DNAI4: variants seen among roughly 807,000 people sequenced by gnomAD.
DNAI4 encodes WD repeat domain 78.
A neutral mutation model predicts 105.8 loss-of-function variants in DNAI4; 85 were observed. The ratio of observed to expected loss-of-function variants is 0.80; its 90% CI spans 0.67 to 0.96. The LOEUF is 0.96. Among genes scored for constraint, DNAI4 ranks in the 40% least tolerant of loss-of-function variants. DNAI4 has a pLI of 0.00. For synonymous variants in DNAI4, 352 were observed against 331.5 expected, an observed-to-expected ratio of 1.06 and a Z score of -0.67; for missense variants, 1,014 against 1,005.6, an observed-to-expected ratio of 1.01 and a Z score of -0.11.
At chr1:66,898,151 C>A (rs184375938) in intron 2 of DNAI4, among the ~76,000 whole-genome samples, 1 of 152,262 alleles carries the variant, frequency 6.6e-6, no homozygotes. Flanking sequence ...GTTTTGAGAC[C>A]TATTATTTCT....
At chr1:66,851,066 T>TA (rs1390515402) in intron 7 of DNAI4, among the ~76,000 whole-genome samples, 1 of 151,874 alleles carries the variant, frequency 6.6e-6, no homozygotes, top group Non-Finnish European at 1.5e-5. Context: ...AAAATTGGAT[T>TA]AAAAAACATG....
chr1:66,840,376 G>A lies in DNAI4; in HGVS notation c.1494+93C>T, dbSNP rs1173993012. 24 of 1,191,206 alleles carry A rather than the reference G, an allele frequency of 2.0e-5. No homozygotes were observed. In the East Asian group the frequency reaches 5.7e-4, roughly 28 times the overall value. The allele number at this position is 1,191,206 out of a possible 1,614,324, so 73.8% of individuals were successfully genotyped here. On this transcript the variant is annotated intron_variant, in intron 9 of 16. Transcript: ENST00000371026. ...GTTATGGTCAATTTAAATTCCTTGT[G>A]CCATATCTAAGGAAAACAATTCTTC...
intron 7 of DNAI4, among the ~76,000 whole-genome samples, chr1:66,858,036 A>C (rs1646539599): frequency 6.6e-6 from 1 of 152,198 alleles, no homozygotes; most frequent in Non-Finnish European, 1.5e-5. Context: ...CTTCCAAAAT[A>C]GAAAGCATCA....
rs1476681554 is a variant in DNAI4 at position 66,827,875 on chromosome 1, A to T, written c.2049T>A (p.Gly683=). ...ATGAACAAGAACATTTGTGAATATGACCTTCTTCAGTGCCAGCCAAATAGA... is the reference window on the plus strand; with the variant it reads ...ATGAACAAGAACATTTGTGAATATGTCCTTCTTCAGTGCCAGCCAAATAGA... The part of the protein sequence containing the change: ...TNIYLAGTEE[G]HIHKCSCSYN... Residue 683 remains glycine (G), a synonymous_variant, in exon 14 of 17, where the codon GGT becomes GGA. Transcript: ENST00000371026. 14 of 1,607,908 alleles carry T rather than the reference A, an allele frequency of 8.7e-6. No homozygotes were observed. The highest frequency in any genetic ancestry group is 1.1e-5 in the Non-Finnish European group (13 of 1,177,228).
At chr1:66,894,086 C>G (rs1230054777) in intron 2 of DNAI4, among the ~76,000 whole-genome samples, 2 of 152,118 alleles carry the variant, frequency 1.3e-5, no homozygotes, top group East Asian at 3.8e-4. Context: ...GCTTACGAAA[C>G]TACACTTTTT....
Position 66,834,174 on chromosome 1 carries a change from C to T in DNAI4, c.1734-26G>A, listed in dbSNP as rs753537061. ...CTAAAACAGTAAAAAAAATACTAAA[C>T]ATATAATCATTATAATAATTTCTTA... On this transcript the variant is annotated intron_variant, in intron 11 of 16. Transcript: ENST00000371026. 7 of 1,540,260 alleles carry T rather than the reference C, an allele frequency of 4.5e-6. No individual in the cohort carries two copies. The African/African-American group carries it at 5.7e-5, about 13-fold the overall frequency.
chr1:66,829,641 T>C (rs1645827236), intron 13 of DNAI4, among the ~76,000 whole-genome samples: 2 of 152,192 alleles, frequency 1.3e-5, no homozygotes, highest in South Asian at 4.1e-4. Flanking sequence ...TATTACCTCT[T>C]TCTCAATAAT....
intron 4 of DNAI4, among the ~76,000 whole-genome samples, chr1:66,887,723 C>T (rs1333147143): frequency 6.6e-6 from 1 of 152,030 alleles, no homozygotes; most frequent in Non-Finnish European, 1.5e-5. Flanking sequence ...CCTGCAATCC[C>T]AGCATTTTGG....
chr1:66,873,598 G>C (rs996502456), intron 5 of DNAI4, among the ~76,000 whole-genome samples: 1 of 152,164 alleles, frequency 6.6e-6, no homozygotes, highest in Admixed American at 6.5e-5. Context: ...CTTTGCTCCA[G>C]AGATTTGTGT....
intron 1 of DNAI4, among the ~76,000 whole-genome samples, chr1:66,910,781 G>A (rs1227122348): frequency 6.6e-6 from 1 of 152,104 alleles, no homozygotes; most frequent in South Asian, 2.1e-4. Context: ...TGGAATCTAA[G>A]TTCCATGAGG....
chr1:66,837,925 T>C (rs979577795), intron 9 of DNAI4, 129 bp from the exon 10 acceptor site: 42 of 876,304 alleles, frequency 4.8e-5, no homozygotes, highest in Non-Finnish European at 6.7e-5. Context: ...GAGGAAAAAA[T>C]GCCAGTACAC....
intron 13 of DNAI4, among the ~76,000 whole-genome samples, chr1:66,829,482 T>A (rs988886130): frequency 1.3e-5 from 2 of 152,292 alleles, no homozygotes; most frequent in East Asian, 3.9e-4. Flanking sequence ...TAGGGCCATT[T>A]CATAGTGATA....
intron 8 of DNAI4, among the ~76,000 whole-genome samples, chr1:66,846,574 C>T (rs1362621235): frequency 6.6e-6 from 1 of 152,054 alleles, no homozygotes; most frequent in African/African-American, 2.4e-5. Flanking sequence ...TTAGAGTCTC[C>T]AAAGCAATAT....
rs1224169670 is a variant in DNAI4 at position 66,871,401 on chromosome 1, A to G, written c.909T>C (p.Val303=). The G allele has an allele frequency of 1.9e-6, 3 of 1,610,506 alleles. No individual in the cohort carries two copies. The highest frequency in any genetic ancestry group is 1.3e-5 in the African/African-American group (1 of 74,884). The part of the protein sequence containing the change: ...TFNGAPKNKD[V]QCDKIIMEDK... The stretch of plus-strand genomic sequence containing the variant: ...CTTCCATTATGATTTTATCACATTG[A>G]ACATCTTTATTCTTTGGTGCTCCAT... The change falls in exon 6 of 17, where the codon GTT becomes GTC. Residue 303 remains valine (V), a synonymous_variant. Coordinates refer to ENST00000371026, the MANE Select transcript of DNAI4 (RefSeq NM_024763.5).
intron 8 of DNAI4, among the ~76,000 whole-genome samples, chr1:66,845,643 T>G (rs539728848): frequency 1.3e-5 from 2 of 152,156 alleles, no homozygotes; most frequent in South Asian, 2.1e-4. Flanking sequence ...AACAAATCAT[T>G]ATGGTATATT....
intron 2 of DNAI4, among the ~76,000 whole-genome samples, chr1:66,901,099 T>A (rs1472789026): frequency 1.3e-5 from 2 of 152,238 alleles, no homozygotes; most frequent in Admixed American, 6.5e-5. Context: ...CTGGATTTTT[T>A]AAGATGCTTT....
rs1464272711 is a variant in DNAI4, at chr1:66,837,775, C to T, written c.1516G>A (p.Gly506Arg). 2 of 1,604,634 alleles carry T rather than the reference C, an allele frequency of 1.2e-6. No homozygotes were observed. Among genetic ancestry groups the T allele is most frequent in the Non-Finnish European group, 1.7e-6 (2 of 1,177,428 alleles). Residue 506 changes from glycine to arginine, a missense_variant, in exon 10 of 17, where the codon GGG becomes AGG. Gly to Arg is a moderately radical substitution (Grantham distance 125). Transcript: ENST00000371026. Reference sequence around the variant, plus strand: ...TTTTGCTCTTTAAATCCAAAGTGCCCATAGCCAACAGCCAAAAGATCCTGA... The same window carrying T: ...TTTTGCTCTTTAAATCCAAAGTGCCTATAGCCAACAGCCAAAAGATCCTGA... ...TNPDLLAVGY[G>R]HFGFKEQKRG...
intron 16 of DNAI4, among the ~76,000 whole-genome samples, chr1:66,817,596 C>T (rs1173522537): frequency 1.3e-5 from 2 of 150,656 alleles, no homozygotes; most frequent in Non-Finnish European, 3.0e-5. Flanking sequence ...AAAAAAAAAA[C>T]GGATAGAATC....
At chr1:66,854,605 C>A (rs1646462501) in intron 7 of DNAI4, among the ~76,000 whole-genome samples, 1 of 152,046 alleles carries the variant, frequency 6.6e-6, no homozygotes, top group African/African-American at 2.4e-5. Context: ...AGTTCGAGAC[C>A]AGCCTGGCCA....
Sources: gnomAD v4.1 joint callset for allele counts (sites outside exome capture counted in the v4.1 genomes callset) on GRCh38, gnomAD v4.1.1 for gene constraint, MANE v1.5 for transcripts, NCBI Gene and HGNC (gene_info 2026-07-23, HGNC 2026-07-21) for gene names.